The following RPSA2 variants were observed in gnomAD, a reference collection of about 807,000 sequenced individuals.
RPSA2 encodes ribosomal protein SA 2.
At chr19:23,788,027 G>A in the RPSA2 span, among the ~76,000 whole-genome samples, 1 of 152,184 alleles carries the variant, frequency 6.6e-6, no homozygotes, top group African/African-American at 2.4e-5. Context: ...ACAGCCCACA[G>A]GGTTGTGATA....
chr19:23,777,420 G>A, the RPSA2 span, among the ~76,000 whole-genome samples: 18 of 152,156 alleles, frequency 1.2e-4, no homozygotes, highest in Non-Finnish European at 2.6e-4. Flanking sequence ...ACTTATGCCT[G>A]GGCCTTGATG....
chr19:23,855,123 T>C, the RPSA2 span, among the ~76,000 whole-genome samples: 2 of 152,298 alleles, frequency 1.3e-5, no homozygotes, highest in African/African-American at 4.8e-5. Context: ...CACAACTTTG[T>C]TACTTGTTCC....
the RPSA2 span, among the ~76,000 whole-genome samples, chr19:23,761,904 CT>C: frequency 7.1e-4 from 19 of 26,644 alleles, no homozygotes; most frequent in East Asian, 1.8e-3. Flanking sequence ...TAACGTAATT[CT>C]TTCTTTCTTT....
chr19:23,852,421 G>A, the RPSA2 span, among the ~76,000 whole-genome samples: 3 of 152,128 alleles, frequency 2.0e-5, no homozygotes, highest in East Asian at 5.8e-4. Flanking sequence ...AGAGCTGACA[G>A]CCCTGGACAG....
the RPSA2 span, among the ~76,000 whole-genome samples, chr19:23,824,953 A>C: frequency 6.6e-6 from 1 of 150,738 alleles, no homozygotes; most frequent in Non-Finnish European, 1.5e-5. Flanking sequence ...TTATCTAATA[A>C]GTTGTTTGTT....
At chr19:23,838,728 T>C in the RPSA2 span, among the ~76,000 whole-genome samples, 1 of 147,784 alleles carries the variant, frequency 6.8e-6, no homozygotes, top group East Asian at 2.0e-4. Context: ...CTTATGTGTA[T>C]GTGTGTAAAG....
chr19:23,800,717 G>A, the RPSA2 span, among the ~76,000 whole-genome samples: 1 of 151,970 alleles, frequency 6.6e-6, no homozygotes, highest in Non-Finnish European at 1.5e-5. Context: ...GGGTTTAAGT[G>A]ATTCTCCTGC....
chr19:23,829,638 T>G, the RPSA2 span, among the ~76,000 whole-genome samples: 1 of 152,232 alleles, frequency 6.6e-6, no homozygotes, highest in Non-Finnish European at 1.5e-5. Flanking sequence ...TGTGGTACCT[T>G]GGGGACTACA....
chr19:23,763,312 A>C, the RPSA2 span, among the ~76,000 whole-genome samples: 1 of 152,202 alleles, frequency 6.6e-6, no homozygotes, highest in Non-Finnish European at 1.5e-5. Flanking sequence ...CCCAGCGTCC[A>C]GCCCCGTCCG....
chr19:23,842,717 A>G, the RPSA2 span: 1 of 152,164 alleles, frequency 6.6e-6, no homozygotes, highest in African/African-American at 2.4e-5. Context: ...TAAGGCTTCT[A>G]TTTTCTCCCT....
At chr19:23,867,316 C>T in the RPSA2 span, among the ~76,000 whole-genome samples, 2 of 152,098 alleles carry the variant, frequency 1.3e-5, no homozygotes, top group African/African-American at 4.8e-5. Flanking sequence ...TGTCTTGGTC[C>T]GGATGGACAA....
the RPSA2 span, among the ~76,000 whole-genome samples, chr19:23,785,564 T>G: frequency 5.3e-5 from 8 of 152,284 alleles, no homozygotes; most frequent in South Asian, 1.7e-3. Context: ...ACCTAGGTGA[T>G]GTCATTGCTG....
the RPSA2 span, among the ~76,000 whole-genome samples, chr19:23,867,702 C>T: frequency 6.6e-6 from 1 of 151,938 alleles, no homozygotes; most frequent in Admixed American, 6.6e-5. Flanking sequence ...TGGTGGCGGG[C>T]GCCTGTAGTC....
the RPSA2 span, among the ~76,000 whole-genome samples, chr19:23,810,320 G>C: frequency 6.8e-6 from 1 of 148,116 alleles, no homozygotes. Flanking sequence ...CGTGAACCTG[G>C]GAGGCAGAGC....
the RPSA2 span, among the ~76,000 whole-genome samples, chr19:23,866,653 G>T: frequency 6.6e-6 from 1 of 151,920 alleles, no homozygotes; most frequent in Non-Finnish European, 1.5e-5. Context: ...CTGGACCCAG[G>T]CCCCTCAAGC....
the RPSA2 span, among the ~76,000 whole-genome samples, chr19:23,867,877 G>T: frequency 3.3e-5 from 5 of 151,956 alleles, no homozygotes; most frequent in South Asian, 6.3e-4. Flanking sequence ...TTATTATTGG[G>T]GTCATTGATA....
the RPSA2 span, among the ~76,000 whole-genome samples, chr19:23,868,333 C>T: frequency 0.98 from 148,978 of 152,314 alleles, 72,953 homozygotes; most frequent in Middle Eastern, 1. Flanking sequence ...TATGGTGACA[C>T]TGTCTGTCGC....
At chr19:23,787,626 C>CA in the RPSA2 span, among the ~76,000 whole-genome samples, 49 of 151,578 alleles carry the variant, frequency 3.2e-4, no homozygotes, top group African/African-American at 8.7e-4. Context: ...AAAAACAAAA[C>CA]AAAAAAAAGA....
At chr19:23,813,478 G>A in the RPSA2 span, among the ~76,000 whole-genome samples, 4 of 151,846 alleles carry the variant, frequency 2.6e-5, no homozygotes, top group African/African-American at 9.7e-5. Context: ...ACTACTGGCT[G>A]ATTTCAGTTG....
Sources: gnomAD v4.1 joint callset for allele counts (sites outside exome capture counted in the v4.1 genomes callset) on GRCh38, gnomAD v4.1.1 for gene constraint, MANE v1.5 for transcripts, NCBI Gene and HGNC (gene_info 2026-07-23, HGNC 2026-07-21) for gene names.